GPHN: variants seen among roughly 807,000 people sequenced by gnomAD.
GPHN encodes gephyrin.
GPHN carries 17 observed loss-of-function variants against 95.5 expected under a neutral mutation model. The observed-to-expected ratio is 0.18, with a 90% CI of 0.12 to 0.27. The LOEUF (loss-of-function observed/expected upper bound fraction) is 0.27, where lower values mean the gene tolerates loss of function less well. GPHN is among the 10% of genes least tolerant of loss of function. The pLI, the probability that GPHN is intolerant of heterozygous loss-of-function variation, is 1.00. For missense variants in GPHN, 660 were observed against 978.1 expected, an observed-to-expected ratio of 0.67 and a Z score of 4.34; for synonymous variants, 320 against 322.5, an observed-to-expected ratio of 0.99 and a Z score of 0.08.
intron 3 of GPHN, among the ~76,000 whole-genome samples, chr14:66,782,809 G>T (rs753620814): frequency 1.3e-5 from 2 of 152,076 alleles, no homozygotes; most frequent in African/African-American, 4.8e-5. Context: ...CTCCACCCTG[G>T]ATGACAGAGC....
chr14:67,067,678 G>A (rs913223187), intron 11 of GPHN, among the ~76,000 whole-genome samples: 1 of 152,002 alleles, frequency 6.6e-6, no homozygotes, highest in Admixed American at 6.5e-5. Context: ...CCCTCCCCCC[G>A]CCAGGCTGCA....
intron 4 of GPHN, among the ~76,000 whole-genome samples, chr14:66,858,536 T>C (rs545571323): frequency 5.9e-5 from 9 of 152,028 alleles, no homozygotes; most frequent in African/African-American, 2.2e-4. Context: ...TAGTATGCCA[T>C]GTGCCTTAGG....
chr14:66,874,230 A>C (rs2063559696), intron 4 of GPHN, among the ~76,000 whole-genome samples: 1 of 152,232 alleles, frequency 6.6e-6, no homozygotes, highest in Admixed American at 6.5e-5. Context: ...AAGGATTTCC[A>C]CACAGAAACC....
chr14:66,564,743 G>T (rs1473350115), intron 1 of GPHN, among the ~76,000 whole-genome samples: 2 of 152,154 alleles, frequency 1.3e-5, no homozygotes, highest in Non-Finnish European at 2.9e-5. Flanking sequence ...GTAAGATTTT[G>T]TGTGTGTGCG....
intron 2 of GPHN, among the ~76,000 whole-genome samples, chr14:66,774,236 T>TCGTGATCCG (rs1435690998): frequency 6.6e-6 from 1 of 151,904 alleles, no homozygotes; most frequent in Non-Finnish European, 1.5e-5. Context: ...TCTCCTGACC[T>TCGTGATCCG]CGTGATCCGC....
chr14:66,705,760 C>G (rs1268428633), intron 2 of GPHN, among the ~76,000 whole-genome samples: 1 of 152,142 alleles, frequency 6.6e-6, no homozygotes, highest in Non-Finnish European at 1.5e-5. Context: ...TGGTACAAGA[C>G]AAGGATGCCC....
chr14:67,578,318 GTGC>G, the GPHN span: 3 of 891,390 alleles, frequency 3.4e-6, no homozygotes, highest in Admixed American at 2.0e-5. This position sits in a 1 kb window ranked among gnomAD's most constrained non-coding sequence, Gnocchi z 5.0. Context: ...GGCAGCCTCT[GTGC>G]TCCAAGCTGC....
At chr14:67,513,870 A>G in the GPHN span, among the ~76,000 whole-genome samples, 1 of 152,072 alleles carries the variant, frequency 6.6e-6, no homozygotes, top group African/African-American at 2.4e-5. Context: ...AACTGAAGGC[A>G]CCTTGTTCCT....
the GPHN span, among the ~76,000 whole-genome samples, chr14:67,665,176 C>G: frequency 6.6e-6 from 1 of 152,022 alleles, no homozygotes; most frequent in Admixed American, 6.6e-5. Flanking sequence ...TGAACCCAAT[C>G]CTACATAAGA....
chr14:66,899,926 A>T (rs568708189), intron 5 of GPHN, among the ~76,000 whole-genome samples: 184 of 151,974 alleles, frequency 1.2e-3, no homozygotes, highest in South Asian at 2.1e-3. Context: ...TTTTACTATA[A>T]ATTGAATTTT....
chr14:67,303,463 A>G, the GPHN span: 1 of 1,344,476 alleles, frequency 7.4e-7, no homozygotes, highest in Non-Finnish European at 1.1e-6. Context: ...AGATCATAAA[A>G]TCATGGAATG....
chr14:67,517,037 G>GT, the GPHN span, among the ~76,000 whole-genome samples: 2 of 152,136 alleles, frequency 1.3e-5, no homozygotes, highest in African/African-American at 2.4e-5. Context: ...AGGAAAACTT[G>GT]TTTTTTTGCT....
chr14:66,773,727 T>G (rs187117133), intron 2 of GPHN, among the ~76,000 whole-genome samples: 3 of 152,298 alleles, frequency 2.0e-5, no homozygotes, highest in Admixed American at 2.0e-4. Flanking sequence ...ATCACTGATG[T>G]AAGAGTTCTT....
chr14:67,192,794 G>A, the GPHN span, among the ~76,000 whole-genome samples: 1 of 146,092 alleles, frequency 6.8e-6, no homozygotes, highest in African/African-American at 2.5e-5. Flanking sequence ...ATGTATGTGT[G>A]TGTATATATA....
chr14:66,532,861 A>G (rs1306047423), intron 1 of GPHN, among the ~76,000 whole-genome samples: 3 of 152,158 alleles, frequency 2.0e-5, no homozygotes, highest in African/African-American at 7.2e-5. Context: ...TTATTTACAT[A>G]TTACCATTTT....
intron 17 of GPHN, among the ~76,000 whole-genome samples, chr14:67,139,812 A>G (rs1486389882): frequency 1.3e-5 from 2 of 152,140 alleles, no homozygotes; most frequent in Admixed American, 6.5e-5. Flanking sequence ...AGAGTAGCAA[A>G]GGGGGATAGA....
At chr14:66,874,367 T>G (rs1201872898) in intron 4 of GPHN, among the ~76,000 whole-genome samples, 1 of 152,022 alleles carries the variant, frequency 6.6e-6, no homozygotes, top group African/African-American at 2.4e-5. Context: ...GGATCACAAC[T>G]CCTCGCCAGC....
At chr14:66,832,056 A>G (rs1749571130) in intron 4 of GPHN, among the ~76,000 whole-genome samples, 1 of 152,206 alleles carries the variant, frequency 6.6e-6, no homozygotes, top group South Asian at 2.1e-4. Flanking sequence ...CCGAATCACG[A>G]GAATCACTTG....
chr14:67,103,445 C>T (rs940905485), intron 13 of GPHN, among the ~76,000 whole-genome samples: 9 of 146,160 alleles, frequency 6.2e-5, no homozygotes, highest in Non-Finnish European at 1.2e-4. Context: ...TCGCTTTTTT[C>T]GTAGTATGGT....
Sources: allele counts gnomAD v4.1 joint callset (sites outside exome capture counted in the v4.1 genomes callset), GRCh38; gene constraint gnomAD v4.1.1; non-coding constraint Gnocchi (gnomAD v3.1); transcripts MANE v1.5; gene names NCBI Gene and HGNC (gene_info 2026-07-23, HGNC 2026-07-21).